The following ANKRA2 variants were observed in gnomAD, a reference collection of about 807,000 sequenced individuals.
ANKRA2 encodes the protein ankyrin repeat family A protein 2.
In ANKRA2, 33 loss-of-function variants were observed where a neutral mutation model predicts 37.8. The ratio of observed to expected loss-of-function variants is 0.87; its 90% CI spans 0.66 to 1.17. The LOEUF (loss-of-function observed/expected upper bound fraction) is 1.17. Ranked by LOEUF, ANKRA2 falls within the 50% of genes most tolerant of loss-of-function variation. The probability of loss-of-function intolerance (pLI) is 0.00; values close to 1 mark genes in which losing one functional copy is unlikely to be tolerated. For missense variants in ANKRA2, 326 were observed against 373.7 expected (o/e 0.87, Z 1.05); for synonymous variants, 126 against 132.3 (o/e 0.95, Z 0.33).
intron 1 of ANKRA2, 105 bp downstream of exon 1, chr5:73,565,027 T>C (rs1580383958): frequency 6.6e-6 from 1 of 152,304 alleles, no homozygotes; most frequent in East Asian, 1.9e-4. Context: ...TGGGCAGCTA[T>C]GCTAGTTCCT....
Position 73,555,597 on chromosome 5 carries a change from A to C in ANKRA2, c.515-12T>G. On this transcript the variant is annotated splice_polypyrimidine_tract_variant and intron_variant, in intron 4 of 8. Transcript: ENST00000296785. The stretch of plus-strand genomic sequence containing the variant: ...ATTGATAACATTTTCTATTTAAAAG[A>C]AAAGCAATTTTTGTGATCTAATTTA... 6.2e-7 allele frequency: 1 copy of C among 1,608,788 alleles called. No homozygotes were observed. Among genetic ancestry groups the C allele is most frequent in the Non-Finnish European group, 8.5e-7 (1 of 1,176,500 alleles).
chr5:73,561,505 C>G (rs1020046722), intron 2 of ANKRA2: 16 of 454,884 alleles, frequency 3.5e-5, no homozygotes, highest in Non-Finnish European at 5.3e-5. Context: ...GGTGCTCACG[C>G]CTGTAACCCC....
At chr5:73,554,799 C>T (rs1747353935) in intron 6 of ANKRA2, 62 bp downstream of exon 6, 8 of 1,563,186 alleles carry the variant, frequency 5.1e-6, no homozygotes, top group African/African-American at 1.4e-5. Flanking sequence ...CTGCATCTCT[C>T]CCAAACCAAA....
intron 3 of ANKRA2, among the ~76,000 whole-genome samples, chr5:73,559,774 T>C (rs1280827945): frequency 6.6e-6 from 1 of 152,210 alleles, no homozygotes; most frequent in South Asian, 2.1e-4. Context: ...TATTGATTGA[T>C]TGGAATCATG....
intron 1 of ANKRA2, among the ~76,000 whole-genome samples, chr5:73,564,574 T>C (rs979162843): frequency 3.9e-5 from 6 of 152,156 alleles, no homozygotes; most frequent in Admixed American, 3.3e-4. Context: ...GGCTTTCCAC[T>C]CCCAACATCG....
chr5:73,554,833 C>T, intron 6 of ANKRA2, 28 bp downstream of exon 6: 2 of 1,598,934 alleles, frequency 1.3e-6, no homozygotes, highest in Middle Eastern at 1.7e-4. Context: ...TTGCTAGAGT[C>T]ATTTTAAATT....
rs765565879 is a variant in ANKRA2, at chr5:73,552,541, T to G, written c.*256A>C. 2.1e-5 allele frequency: 7 copies of G among 326,964 alleles called. No individual in the cohort carries two copies. The highest frequency in any genetic ancestry group is 3.8e-5 in the Non-Finnish European group (7 of 183,062). 20.3% of individuals were successfully genotyped at this position (326,964 alleles called of 1,614,324 possible). A position where few individuals can be genotyped will look rare whatever the true frequency, so the allele number is the denominator to read the frequency against. On this transcript the variant is annotated 3_prime_UTR_variant, in exon 9 of 9. Transcript: ENST00000296785. ...TTACAGCACTTGATACAAAGACTGA[T>G]GATAACTATCTGTACCATAAAAATT...
intron 7 of ANKRA2, 82 bp from the exon 8 acceptor site, chr5:73,553,568 GGA>G: frequency 8.4e-7 from 1 of 1,183,666 alleles, no homozygotes; most frequent in Non-Finnish European, 1.2e-6. Context: ...ACAAATAGCT[GGA>G]GAGATTTTTC....
At chr5:73,556,997 T>A (rs1747413926) in intron 4 of ANKRA2, among the ~76,000 whole-genome samples, 1 of 148,806 alleles carries the variant, frequency 6.7e-6, no homozygotes, top group Non-Finnish European at 1.5e-5. Context: ...AAAATACATA[T>A]ATATATATAT....
In ANKRA2 at chr5:73,554,296, C is replaced by T. The variant is rs769381901; in HGVS notation, c.805+26G>A. On this transcript the variant is annotated intron_variant, in intron 7 of 8. Coordinates refer to ENST00000296785, the MANE Select transcript of ANKRA2 (RefSeq NM_023039.5). ...AAAATAAAATCAAGTCCTCACATGG[C>T]ATTTTCTAAATTTTTATCTGCTTAC... The T allele has an allele frequency of 2.5e-6, 4 of 1,602,124 alleles. No homozygotes were observed. In the Admixed American group the frequency reaches 5.0e-5, roughly 20 times the overall value.
At chr5:73,553,604 G>T in intron 7 of ANKRA2, 118 bp from the exon 8 acceptor site, 1 of 825,490 alleles carries the variant, frequency 1.2e-6, no homozygotes, top group Non-Finnish European at 1.9e-6. Flanking sequence ...TTTTAGGATA[G>T]TCTGACAAAG....
intron 8 of ANKRA2, 95 bp from the exon 9 acceptor site, chr5:73,552,947 TAA>T: frequency 9.1e-7 from 1 of 1,102,060 alleles, no homozygotes; most frequent in Non-Finnish European, 1.3e-6. Flanking sequence ...TTTCCTAAAA[TAA>T]AGTTATTTCT....
intron 2 of ANKRA2, 56 bp from the exon 3 acceptor site, chr5:73,561,344 C>A (rs933629380): frequency 9.4e-6 from 14 of 1,491,728 alleles, no homozygotes; most frequent in Non-Finnish European, 1.3e-5. Context: ...AGTTCTATGT[C>A]AATGTCTACA....
chr5:73,552,727 A>G lies in ANKRA2; in HGVS notation c.*70T>C. On this transcript the variant is annotated 3_prime_UTR_variant, in exon 9 of 9. Transcript: ENST00000296785. ...ATTGCAACTGAGGTAAAAATTTATA[A>G]GTAAACAAAACTATCATTTATAAGG... 1 of 1,435,354 alleles carries G rather than the reference A, an allele frequency of 7.0e-7. No individual in the cohort carries two copies. Among genetic ancestry groups the G allele is most frequent in the South Asian group, 1.2e-5 (1 of 80,708 alleles). 88.9% of individuals were successfully genotyped at this position (1,435,354 alleles called of 1,614,324 possible).
rs754651164 is a variant in ANKRA2 at position 73,555,510 on chromosome 5, A to T, written c.590T>A (p.Val197Glu). 68 of 1,613,488 alleles carry T rather than the reference A, an allele frequency of 4.2e-5. No individual in the cohort carries two copies. Among genetic ancestry groups the T allele is most frequent in the Non-Finnish European group, 4.0e-5 (47 of 1,179,554 alleles). ...TACATTCTGAAGTAGGAACTCTACC[A>T]CAGCTATTTGCCCGTGTGCTGCAGC... Reference protein sequence around the residue: ...MWAAAHGQIAVVEFLLQNGAD... With the variant: ...MWAAAHGQIAEVEFLLQNGAD... Residue 197 changes from valine to glutamate, a missense_variant, in exon 5 of 9, where the codon GTG becomes GAG. Val to Glu is a moderately radical substitution (Grantham distance 121). Transcript: ENST00000296785.
chr5:73,564,145 T>G (rs534143256), intron 1 of ANKRA2, among the ~76,000 whole-genome samples: 1 of 150,900 alleles, frequency 6.6e-6, no homozygotes, highest in Non-Finnish European at 1.5e-5. Context: ...AGAAGGTTAA[T>G]ACATTTGGGC....
At chr5:73,560,238 T>C (rs1747510509) in intron 3 of ANKRA2, among the ~76,000 whole-genome samples, 1 of 152,242 alleles carries the variant, frequency 6.6e-6, no homozygotes, top group Non-Finnish European at 1.5e-5. Context: ...TAATATATGT[T>C]TACATTATGG....
Position 73,554,902 on chromosome 5 carries a change from T to G in ANKRA2, c.697A>C (p.Met233Leu), listed in dbSNP as rs1747356856. ...CSKGYTDIVK[M>L]LLDCGVDVNE... ...ACATCAACTCCACAATCAAGCAGCATTTTGACAATATCTGTGTAGCCTTTA... is the reference window on the plus strand; with the variant it reads ...ACATCAACTCCACAATCAAGCAGCAGTTTGACAATATCTGTGTAGCCTTTA... Residue 233 changes from methionine (M) to leucine (L), a missense_variant, in exon 6 of 9, where the codon ATG becomes CTG. By Grantham distance (15) the Met-to-Leu change is conservative. Around this residue, in one of 3 missense-constraint regions of ANKRA2, gnomAD observed 228 missense variants for 260.2 expected, o/e 0.88. Transcript: ENST00000296785. 6.2e-7 allele frequency: 1 copy of G among 1,613,894 alleles called. No homozygotes were observed. The highest frequency in any genetic ancestry group is 1.3e-5 in the African/African-American group (1 of 74,938).
intron 4 of ANKRA2, among the ~76,000 whole-genome samples, chr5:73,555,802 T>C (rs1216641094): frequency 6.6e-6 from 1 of 152,200 alleles, no homozygotes; most frequent in Non-Finnish European, 1.5e-5. Flanking sequence ...TCAGATAGCA[T>C]ATTACTTAAA....
Sources: allele counts gnomAD v4.1 joint callset (sites outside exome capture counted in the v4.1 genomes callset), GRCh38; gene constraint gnomAD v4.1.1; regional missense constraint gnomAD v4.1.1; transcripts MANE v1.5; gene names NCBI Gene and HGNC (gene_info 2026-07-23, HGNC 2026-07-21).